NT5C2: variants seen among roughly 807,000 people sequenced by gnomAD.
NT5C2 encodes cytosolic purine 5'-nucleotidase.
NT5C2 carries 58 observed loss-of-function variants against 76.1 expected under a neutral mutation model. The observed-to-expected ratio is 0.76, with a 90% CI of 0.62 to 0.95. The LOEUF (loss-of-function observed/expected upper bound fraction) is 0.95, where lower values mean the gene tolerates loss of function less well. NT5C2 is among the 40% of genes least tolerant of loss of function. The pLI is 0.00. For missense variants in NT5C2, 478 were observed against 690.3 expected, an observed-to-expected ratio of 0.69 and a Z score of 3.45; for synonymous variants, 229 against 237.4, an observed-to-expected ratio of 0.96 and a Z score of 0.32.
At chr10:103,183,528 T>A (rs1032456921) in intron 1 of NT5C2, among the ~76,000 whole-genome samples, 69 of 146,692 alleles carry the variant, frequency 4.7e-4, no homozygotes, top group Admixed American at 1.2e-3. Context: ...TTTTTTTTTT[T>A]AAAGACGAAG....
chr10:103,090,811 T>G lies in NT5C2; in HGVS notation c.1273-24A>C, dbSNP rs3736924. ...TTCTAAAACAAAGAACAAGATTGAT[T>G]CTTGGCTCATTCAACAAATATTTAT... is the stretch of plus-strand genomic sequence containing the variant. On this transcript the variant is annotated intron_variant, in intron 17 of 18. Transcript: ENST00000404739. 6,463 of 1,611,996 alleles carry G rather than the reference T, an allele frequency of 4.0e-3. 199 individuals are homozygous for G. The East Asian group carries it at 0.079, about 20-fold the overall frequency.
At chr10:103,097,466 G>T in intron 10 of NT5C2, 92 bp from the exon 11 acceptor site, 1 of 1,040,484 alleles carries the variant, frequency 9.6e-7, no homozygotes, top group Non-Finnish European at 1.5e-6. Flanking sequence ...TCCACAACAG[G>T]AATGGGGGAA....
Position 103,089,838 on chromosome 10 carries a change from C to G in NT5C2, c.1520G>C (p.Arg507Pro). 1 of 1,613,974 alleles carries G rather than the reference C, an allele frequency of 6.2e-7. No homozygotes were observed. The highest frequency in any genetic ancestry group is 8.5e-7 in the Non-Finnish European group (1 of 1,179,990). Residue 507 changes from arginine (R) to proline (P), a missense_variant, in exon 19 of 19, where the codon CGG becomes CCG. Arg to Pro is a moderately radical substitution (Grantham distance 103). Transcript: ENST00000404739. ...TTTGAAATCCACTGATGTGCGGTTC[C>G]GGGTGGCAAGAGGAGACTCCATCTC... ...INEMESPLATRNRTSVDFKDT... is the reference protein window; with the variant it reads ...INEMESPLATPNRTSVDFKDT...
chr10:103,099,447 G>A (rs2069006478), intron 9 of NT5C2, among the ~76,000 whole-genome samples: 5 of 152,048 alleles, frequency 3.3e-5, no homozygotes, highest in Admixed American at 3.3e-4. Flanking sequence ...AAAAGTAGCA[G>A]GTATGATTTG....
intron 3 of NT5C2, among the ~76,000 whole-genome samples, chr10:103,172,103 G>C (rs1007537820): frequency 5.3e-5 from 8 of 151,834 alleles, no homozygotes; most frequent in South Asian, 2.1e-4. Context: ...CCAGCTACTC[G>C]GGACGGTGAG....
intron 16 of NT5C2, 118 bp downstream of exon 16, chr10:103,091,446 A>G: frequency 1.3e-6 from 1 of 778,580 alleles, no homozygotes; most frequent in Non-Finnish European, 2.2e-6. Context: ...CCCCGGTTCA[A>G]ACGATTCTCC....
At chr10:103,115,258 C>T (rs918238164) in intron 4 of NT5C2, among the ~76,000 whole-genome samples, 1 of 152,082 alleles carries the variant, frequency 6.6e-6, no homozygotes, top group South Asian at 2.1e-4. Flanking sequence ...AAAAATTAGC[C>T]GGGCATGGCA....
intron 3 of NT5C2, among the ~76,000 whole-genome samples, chr10:103,167,636 T>G (rs1354728316): frequency 1.3e-5 from 2 of 152,088 alleles, no homozygotes; most frequent in Non-Finnish European, 2.9e-5. Context: ...TCCCCTTTTT[T>G]TGTTTTTGTT....
chr10:103,186,645 T>A (rs1304800488), intron 1 of NT5C2, among the ~76,000 whole-genome samples: 1 of 152,182 alleles, frequency 6.6e-6, no homozygotes, highest in Non-Finnish European at 1.5e-5. Context: ...CTGGGTGCGG[T>A]GGCTCATGCC....
chr10:103,178,954 C>CTTTTTTTTTTT (rs758982511), intron 2 of NT5C2, among the ~76,000 whole-genome samples: 2 of 128,480 alleles, frequency 1.6e-5, no homozygotes, highest in Non-Finnish European at 3.3e-5. Context: ...TTCTTTTTTT[C>CTTTTTTTTTTT]TTTTTTTTTT....
rs1332814669 is a variant in NT5C2 at position 103,143,529 on chromosome 10, CAT to C, written c.102-4052_102-4051del. On this transcript the variant is annotated intron_variant, in intron 3 of 18. Coordinates refer to ENST00000404739, the MANE Select transcript of NT5C2 (RefSeq NM_001351169.2). ...CACTGCAGCCTCAACCTCCCAGGCT[CAT>C]GTTATCCTCCTACCTCAGCCTCAGC... Among the ~76,000 whole-genome samples the C allele has an allele frequency of 8.6e-5, 13 of 151,242 alleles. No homozygotes were observed. In the South Asian group the frequency reaches 2.5e-3, roughly 29 times the overall value.
chr10:103,099,930 TA>T lies in NT5C2; in HGVS notation c.628del (p.Tyr210ThrfsTer17). 6.2e-7 allele frequency: 1 copy of T among 1,604,506 alleles called. No homozygotes were observed. Among genetic ancestry groups the T allele is most frequent in the Non-Finnish European group, 8.5e-7 (1 of 1,171,440 alleles). On this transcript the variant is annotated frameshift_variant, in exon 9 of 19. Transcript: ENST00000404739. LOFTEE classifies it high-confidence loss of function. ...GAAGAAACAGCTTCTAGGTACCTTG[TA>T]ATGAACCCAGTCAACAGCATCTCTT... Reference protein sequence around the residue: ...DVRDAVDWVHYKGSLKEKTVE... With the variant: ...DVRDAVDWVHXKGSLKEKTVE...
intron 3 of NT5C2, among the ~76,000 whole-genome samples, chr10:103,149,010 C>T (rs2081982234): frequency 6.6e-6 from 1 of 152,166 alleles, no homozygotes; most frequent in African/African-American, 2.4e-5. Flanking sequence ...ATCTGTACAT[C>T]TCAGCCTTGA....
intron 18 of NT5C2, chr10:103,090,301 T>C (rs2066404389): frequency 8.4e-6 from 3 of 358,860 alleles, no homozygotes; most frequent in Non-Finnish European, 1.5e-5. Flanking sequence ...CACTGCAGCC[T>C]CGACTTCCTG....
At chr10:103,126,383 G>C (rs2076653741) in intron 4 of NT5C2, among the ~76,000 whole-genome samples, 2 of 152,144 alleles carry the variant, frequency 1.3e-5, no homozygotes, top group Admixed American at 1.3e-4. Context: ...CAGCACTTTG[G>C]GAGGCCAAGG....
chr10:103,165,960 G>A (rs1252935448), intron 3 of NT5C2, among the ~76,000 whole-genome samples: 2 of 152,194 alleles, frequency 1.3e-5, no homozygotes, highest in Non-Finnish European at 2.9e-5. Context: ...GTGAGCCACC[G>A]TGCCTGGCTT....
At chr10:103,185,728 A>G (rs2091939079) in intron 1 of NT5C2, among the ~76,000 whole-genome samples, 1 of 152,032 alleles carries the variant, frequency 6.6e-6, no homozygotes, top group South Asian at 2.1e-4. Context: ...TCTCTTACCA[A>G]TGAACTCCTG....
intron 1 of NT5C2, among the ~76,000 whole-genome samples, chr10:103,192,925 A>C (rs1591997556): frequency 6.6e-6 from 1 of 152,216 alleles, no homozygotes; most frequent in African/African-American, 2.4e-5. Context: ...GCGGGGTCCC[A>C]GCGAGCCGGC....
rs761909662 is a variant in NT5C2 at position 103,090,592 on chromosome 10, C to G, written c.1449+19G>C. 20 of 1,605,866 alleles carry G rather than the reference C, an allele frequency of 1.2e-5. No individual in the cohort carries two copies. Among genetic ancestry groups the G allele is most frequent in the Non-Finnish European group, 1.7e-5 (20 of 1,175,354 alleles). On this transcript the variant is annotated intron_variant, in intron 18 of 18. Coordinates refer to ENST00000404739, the MANE Select transcript of NT5C2 (RefSeq NM_001351169.2). ...GGGCTTAGAGTACATCTTGGCTGTCCATTACAGCTTTAACTCACCAAGACA... is the reference window on the plus strand; with the variant it reads ...GGGCTTAGAGTACATCTTGGCTGTCGATTACAGCTTTAACTCACCAAGACA...
Sources: allele counts gnomAD v4.1 joint callset (sites outside exome capture counted in the v4.1 genomes callset), GRCh38; gene constraint gnomAD v4.1.1; transcripts MANE v1.5; gene names NCBI Gene and HGNC (gene_info 2026-07-23, HGNC 2026-07-21).